Variants in NELL2 observed in about 807,000 individuals in gnomAD.
The protein encoded by NELL2 is neural EGFL like 2.
NELL2 carries 41 observed loss-of-function variants against 109.6 expected under a neutral mutation model. The ratio of observed to expected loss-of-function variants is 0.37; its 90% CI spans 0.29 to 0.49. NELL2 has a LOEUF of 0.49. Among genes scored for constraint, NELL2 ranks in the 20% least tolerant of loss-of-function variants. The pLI, the probability that NELL2 is intolerant of heterozygous loss-of-function variation, is 0.98. For synonymous variants in NELL2, 355 were observed against 344.7 expected, an observed-to-expected ratio of 1.03 and a Z score of -0.33; for missense variants, 900 against 1,008.3, an observed-to-expected ratio of 0.89 and a Z score of 1.45.
At chr12:44,576,690 T>C (rs573037365) in intron 15 of NELL2, among the ~76,000 whole-genome samples, 31 of 152,250 alleles carry the variant, frequency 2.0e-4, no homozygotes, top group African/African-American at 7.5e-4. Context: ...CCAATGCTAT[T>C]CCTCCCCCCA....
intron 15 of NELL2, among the ~76,000 whole-genome samples, chr12:44,580,918 T>G (rs1944299385): frequency 6.6e-6 from 1 of 152,196 alleles, no homozygotes. Context: ...TTTAAATTAC[T>G]GCAATATTTT....
upstream of NELL2, among the ~76,000 whole-genome samples, chr12:44,881,193 T>A (rs1234349464): frequency 6.6e-6 from 1 of 152,028 alleles, no homozygotes; most frequent in Non-Finnish European, 1.5e-5. Flanking sequence ...GTTTTATAAC[T>A]TAATATTAAA....
intron 15 of NELL2, among the ~76,000 whole-genome samples, chr12:44,590,390 T>C (rs1426813254): frequency 6.6e-6 from 1 of 152,288 alleles, no homozygotes; most frequent in African/African-American, 2.4e-5. Flanking sequence ...CACAGGTATA[T>C]AGTTTTCAAA....
At chr12:44,872,770 C>T (rs1013394345) in intron 2 of NELL2, among the ~76,000 whole-genome samples, 4 of 152,106 alleles carry the variant, frequency 2.6e-5, no homozygotes, top group Admixed American at 6.5e-5. Flanking sequence ...GAGCATCTCA[C>T]GGATTTTGTA....
chr12:44,727,546 G>A (rs1939146310), intron 9 of NELL2, among the ~76,000 whole-genome samples: 1 of 152,022 alleles, frequency 6.6e-6, no homozygotes, highest in Non-Finnish European at 1.5e-5. Flanking sequence ...CAGAATGAGA[G>A]AGAAAAGCAG....
intron 12 of NELL2, among the ~76,000 whole-genome samples, chr12:44,686,533 C>T (rs1425777991): frequency 2.0e-5 from 3 of 152,088 alleles, no homozygotes; most frequent in Admixed American, 6.5e-5. Flanking sequence ...GTTTTTTCCC[C>T]ATCTTTGTGG....
chr12:44,571,270 A>G (rs1943864394), intron 15 of NELL2, among the ~76,000 whole-genome samples: 1 of 152,094 alleles, frequency 6.6e-6, no homozygotes, highest in South Asian at 2.1e-4. Flanking sequence ...CTCTTTATAT[A>G]TTTTTATGCA....
chr12:44,686,316 C>T (rs1416424485), intron 12 of NELL2, among the ~76,000 whole-genome samples: 1 of 152,186 alleles, frequency 6.6e-6, no homozygotes, highest in African/African-American at 2.4e-5. Flanking sequence ...ATACATTCTT[C>T]TAAATTTTTT....
intron 12 of NELL2, among the ~76,000 whole-genome samples, chr12:44,673,655 G>A (rs1592310451): frequency 6.6e-6 from 1 of 152,190 alleles, no homozygotes; most frequent in South Asian, 2.1e-4. Flanking sequence ...TTATTACAGA[G>A]TTAAGGGATA....
At chr12:44,528,018 G>A (rs554817061) in intron 16 of NELL2, among the ~76,000 whole-genome samples, 4 of 149,846 alleles carry the variant, frequency 2.7e-5, no homozygotes, top group South Asian at 2.1e-4. Context: ...GGCGTGAACC[G>A]GGGAGGTGGA....
intron 18 of NELL2, among the ~76,000 whole-genome samples, chr12:44,521,119 A>G (rs918231581): frequency 1.7e-4 from 26 of 152,220 alleles, no homozygotes; most frequent in African/African-American, 6.0e-4. Context: ...TCAACTGAAA[A>G]AAGACTTTAT....
chr12:44,828,947 A>G (rs1309861901), intron 2 of NELL2, among the ~76,000 whole-genome samples: 1 of 152,148 alleles, frequency 6.6e-6, no homozygotes, highest in Non-Finnish European at 1.5e-5. Context: ...GTTCACTGCT[A>G]TAATTCTCAT....
chr12:44,637,251 T>C (rs576881412), intron 13 of NELL2, among the ~76,000 whole-genome samples: 2 of 151,784 alleles, frequency 1.3e-5, no homozygotes, highest in South Asian at 4.2e-4. Flanking sequence ...TCTCCTTCAG[T>C]TCAGGTCCGA....
rs1940840548 is a variant in NELL2, at chr12:44,508,738, G to A, written c.*196C>T. Reference sequence around the variant, plus strand: ...TGAGACACAGTAGAGGCAGACTTGAGGTCTAATTTTGCCCCAGTAATTTTC... The same window carrying A: ...TGAGACACAGTAGAGGCAGACTTGAAGTCTAATTTTGCCCCAGTAATTTTC... On this transcript the variant is annotated 3_prime_UTR_variant, in exon 20 of 20. Transcript: ENST00000429094. 1 of 587,262 alleles carries A rather than the reference G, an allele frequency of 1.7e-6. No individual in the cohort carries two copies. Among genetic ancestry groups the A allele is most frequent in the South Asian group, 2.0e-5 (1 of 48,828 alleles). The allele number at this position is 587,262 out of a possible 1,614,324, so 36.4% of individuals were successfully genotyped here. A position where few individuals can be genotyped will look rare whatever the true frequency, so the allele number is the denominator to read the frequency against.
At chr12:44,752,365 C>CT (rs1264862854) in intron 9 of NELL2, among the ~76,000 whole-genome samples, 1 of 152,096 alleles carries the variant, frequency 6.6e-6, no homozygotes, top group Non-Finnish European at 1.5e-5. Context: ...TTTAAAAAGG[C>CT]TTATTTTTTT....
intron 1 of NELL2, among the ~76,000 whole-genome samples, chr12:44,910,578 A>G (rs1405989872): frequency 6.6e-6 from 1 of 152,044 alleles, no homozygotes; most frequent in Non-Finnish European, 1.5e-5. Context: ...AAACAGAACT[A>G]CCACTCAGCC....
At chr12:44,757,138 C>A (rs1940926091) in intron 9 of NELL2, among the ~76,000 whole-genome samples, 1 of 152,168 alleles carries the variant, frequency 6.6e-6, no homozygotes, top group African/African-American at 2.4e-5. Context: ...ATGCCTCTCT[C>A]CCTTGGTCCT....
At chr12:44,621,732 T>C (rs1262229726) in intron 13 of NELL2, among the ~76,000 whole-genome samples, 1 of 152,030 alleles carries the variant, frequency 6.6e-6, no homozygotes, top group African/African-American at 2.4e-5. Context: ...AGAACCTCTT[T>C]GAAATAAAAA....
At chr12:44,909,635 T>A (rs570580688) in intron 1 of NELL2, among the ~76,000 whole-genome samples, 8 of 151,290 alleles carry the variant, frequency 5.3e-5, no homozygotes, top group Non-Finnish European at 8.9e-5. Flanking sequence ...GTCAAAGCAA[T>A]CCTAAGAAAA....
Sources: allele counts gnomAD v4.1 joint callset (sites outside exome capture counted in the v4.1 genomes callset), GRCh38; gene constraint gnomAD v4.1.1; transcripts MANE v1.5; gene names NCBI Gene and HGNC (gene_info 2026-07-23, HGNC 2026-07-21).